Variants in GRM8 observed in about 807,000 individuals in gnomAD.
GRM8 encodes the protein metabotropic glutamate receptor 8.
A neutral mutation model predicts 87.2 loss-of-function variants in GRM8; 47 were observed. The ratio of observed to expected loss-of-function variants is 0.54; its 90% CI spans 0.43 to 0.69. GRM8 has a LOEUF of 0.69. Ranked by LOEUF, GRM8 falls within the 30% of genes least tolerant of loss-of-function variation. The pLI is 0.00. For missense variants in GRM8, 1,019 were observed against 1,139.2 expected (o/e 0.89, Z 1.52); for synonymous variants, 396 against 404.5 (o/e 0.98, Z 0.25).
At chr7:126,631,140 A>G (rs961905951) in intron 7 of GRM8, among the ~76,000 whole-genome samples, 7 of 152,014 alleles carry the variant, frequency 4.6e-5, no homozygotes, top group Admixed American at 1.3e-4. Context: ...AGAAAACCCT[A>G]TAATCTGTCT....
At chr7:126,802,375 T>G (rs1430505797) in intron 6 of GRM8, among the ~76,000 whole-genome samples, 3 of 152,206 alleles carry the variant, frequency 2.0e-5, no homozygotes, top group Non-Finnish European at 1.5e-5. Context: ...TCTAACTTCC[T>G]GCTTCTATGA....
At chr7:126,842,914 T>C (rs958117605) in intron 6 of GRM8, among the ~76,000 whole-genome samples, 1 of 152,188 alleles carries the variant, frequency 6.6e-6, no homozygotes, top group African/African-American at 2.4e-5. Context: ...TGTGTTCTTT[T>C]AAGACACTAA....
chr7:127,084,123 A>G (rs1396785774), intron 3 of GRM8, among the ~76,000 whole-genome samples: 14 of 152,212 alleles, frequency 9.2e-5, no homozygotes, highest in Admixed American at 9.2e-4. Flanking sequence ...AAAATCATTG[A>G]AGGTGCCTAA....
At chr7:126,626,083 G>T (rs1198818595) in intron 7 of GRM8, among the ~76,000 whole-genome samples, 1 of 147,378 alleles carries the variant, frequency 6.8e-6, no homozygotes, top group Non-Finnish European at 1.5e-5. Flanking sequence ...TAATAGTGAT[G>T]ATTACATATA....
At chr7:127,028,514 T>C (rs1038935376) in intron 3 of GRM8, among the ~76,000 whole-genome samples, 15 of 152,204 alleles carry the variant, frequency 9.9e-5, no homozygotes, top group Admixed American at 2.6e-4. Context: ...TTTCAGAACC[T>C]GTTATTGGTC....
At chr7:126,957,858 G>A (rs538462782) in intron 3 of GRM8, among the ~76,000 whole-genome samples, 2 of 152,288 alleles carry the variant, frequency 1.3e-5, no homozygotes, top group South Asian at 2.1e-4. Flanking sequence ...CCTGAAGCCC[G>A]GGGGCAGGGC....
intron 6 of GRM8, among the ~76,000 whole-genome samples, chr7:126,846,241 A>G (rs1203860181): frequency 1.3e-5 from 2 of 152,184 alleles, no homozygotes; most frequent in Admixed American, 6.5e-5. Context: ...TTAAAACTCA[A>G]ACTAAAAATT....
chr7:126,499,766 G>A (rs189537539), intron 9 of GRM8, among the ~76,000 whole-genome samples: 1 of 151,882 alleles, frequency 6.6e-6, no homozygotes, highest in Admixed American at 6.6e-5. Context: ...TAGAAGTAGA[G>A]AGTAGAATGG....
intron 3 of GRM8, among the ~76,000 whole-genome samples, chr7:127,052,156 T>C (rs1487004493): frequency 6.6e-6 from 1 of 152,190 alleles, no homozygotes; most frequent in East Asian, 1.9e-4. Flanking sequence ...GTAAACCCAA[T>C]TTTGTGTTAG....
chr7:127,083,769 C>T (rs1054095762), intron 3 of GRM8, among the ~76,000 whole-genome samples: 2 of 152,086 alleles, frequency 1.3e-5, no homozygotes, highest in Non-Finnish European at 1.5e-5. Context: ...CCCCCAAAAT[C>T]GGCTCAAACA....
intron 7 of GRM8, among the ~76,000 whole-genome samples, chr7:126,720,717 T>C (rs1043911961): frequency 6.6e-6 from 1 of 152,158 alleles, no homozygotes; most frequent in Admixed American, 6.5e-5. Flanking sequence ...TACATGTGGA[T>C]CTCTTATACC....
intron 7 of GRM8, among the ~76,000 whole-genome samples, chr7:126,620,643 C>T (rs1268044629): frequency 8.6e-5 from 13 of 151,596 alleles, no homozygotes; most frequent in Non-Finnish European, 2.9e-5. Flanking sequence ...CTCCTTAAGC[C>T]TGTTTTCTCA....
At chr7:126,587,878 A>G (rs1796305916) in intron 8 of GRM8, among the ~76,000 whole-genome samples, 1 of 151,630 alleles carries the variant, frequency 6.6e-6, no homozygotes, top group East Asian at 1.9e-4. Flanking sequence ...TGAAGAGTTT[A>G]CTAAATTTAT....
At chr7:126,859,390 A>C (rs1332795368) in intron 6 of GRM8, among the ~76,000 whole-genome samples, 1 of 152,238 alleles carries the variant, frequency 6.6e-6, no homozygotes, top group Non-Finnish European at 1.5e-5. Flanking sequence ...TGATGGACCA[A>C]GATCAGATCT....
chr7:126,615,815 G>A (rs2151120949), intron 7 of GRM8, among the ~76,000 whole-genome samples: 1 of 152,284 alleles, frequency 6.6e-6, no homozygotes, highest in East Asian at 1.9e-4. Flanking sequence ...AATTCAACAA[G>A]AAGAGCTAAC....
At position 127,243,362 on chromosome 7, in the gene GRM8, A is replaced by C. The variant is rs901586921; in HGVS notation, c.-158T>G. On this transcript the variant is annotated 5_prime_UTR_variant, in exon 2 of 11. Transcript: ENST00000339582. Reference sequence around the variant, plus strand: ...CAAGTTTTCTTGATTTGAATGTCACAGTGAATTTCCATCAGACCCCTAAGG... The same window carrying C: ...CAAGTTTTCTTGATTTGAATGTCACCGTGAATTTCCATCAGACCCCTAAGG... 2 of 632,840 alleles carry C rather than the reference A, an allele frequency of 3.2e-6. No homozygotes were observed. The highest frequency in any genetic ancestry group is 5.5e-5 in the East Asian group (2 of 36,534). 39.2% of individuals were successfully genotyped at this position (632,840 alleles called of 1,614,324 possible).
At chr7:126,543,529 A>C (rs11766589) in intron 8 of GRM8, among the ~76,000 whole-genome samples, 240 of 152,332 alleles carry the variant, frequency 1.6e-3, no homozygotes, top group Non-Finnish European at 2.7e-3. Context: ...CTATTTTTGA[A>C]TGAATGAAGA....
rs1477841286 is a variant in GRM8 at position 126,533,682 on chromosome 7, G to C, written c.1700C>G (p.Thr567Arg). 1 of 1,614,088 alleles carries C rather than the reference G, an allele frequency of 6.2e-7. No individual in the cohort carries two copies. The highest frequency in any genetic ancestry group is 1.7e-5 in the Admixed American group (1 of 60,028). ...PLDQRPNMNR[T>R]GCQLIPIIKL... ...GATGATGGGGATAAGCTGGCAGCCT[G>C]TGCGGTTCATGTTGGGTCTCTGATC... The change falls in exon 9 of 11, where the codon ACA becomes AGA. Residue 567 changes from threonine to arginine, a missense_variant. Physicochemically the swap from Thr to Arg is moderately conservative, Grantham distance 71. Transcript: ENST00000339582.
intron 7 of GRM8, among the ~76,000 whole-genome samples, chr7:126,672,452 G>A (rs1806482117): frequency 6.6e-6 from 1 of 152,092 alleles, no homozygotes; most frequent in Non-Finnish European, 1.5e-5. Context: ...CTAAACCCCT[G>A]GGAATCCTTT....
Sources: gnomAD v4.1 joint callset for allele counts (sites outside exome capture counted in the v4.1 genomes callset) on GRCh38, gnomAD v4.1.1 for gene constraint, MANE v1.5 for transcripts, NCBI Gene and HGNC (gene_info 2026-07-23, HGNC 2026-07-21) for gene names.